The following PCDH1 variants were observed in gnomAD, a reference collection of about 807,000 sequenced individuals.
PCDH1 encodes the protein protocadherin 1, also known as protocadherin-1.
PCDH1 carries 23 observed loss-of-function variants against 74.6 expected under a neutral mutation model. That is an observed-to-expected ratio of 0.31 (90% confidence interval 0.22 to 0.44). The LOEUF (loss-of-function observed/expected upper bound fraction) is 0.44. Among genes scored for constraint, PCDH1 ranks in the 20% least tolerant of loss-of-function variants. The probability of loss-of-function intolerance (pLI) is 1.00; values close to 1 mark genes in which losing one functional copy is unlikely to be tolerated. For missense variants in PCDH1, 1,214 were observed against 1,641.4 expected, an observed-to-expected ratio of 0.74 and a Z score of 4.50; for synonymous variants, 647 against 686.1, an observed-to-expected ratio of 0.94 and a Z score of 0.89.
intron 1 of PCDH1, among the ~76,000 whole-genome samples, chr5:141,873,842 T>C (rs1241932456): frequency 6.6e-6 from 1 of 152,200 alleles, no homozygotes; most frequent in African/African-American, 2.4e-5. Context: ...TTATCAGTAC[T>C]AAGCATTTTA....
Position 141,853,228 on chromosome 5 carries a change from C to A in PCDH1, c.*814G>T, listed in dbSNP as rs1752193543. ...CTGCACCCCCATCCCACCATGGCCC[C>A]AGGGGTATTTACAACATGGAACAAT... On this transcript the variant is annotated 3_prime_UTR_variant, in exon 5 of 5. Coordinates refer to ENST00000287008, the MANE Select transcript of PCDH1 (RefSeq NM_032420.5). 1 of 150,298 alleles carries A rather than the reference C, an allele frequency of 6.7e-6. No individual in the cohort carries two copies. The highest frequency in any genetic ancestry group is 2.5e-5 in the African/African-American group (1 of 40,726). 9.3% of individuals were successfully genotyped at this position (150,298 alleles called of 1,614,324 possible).
rs761964730 is a variant in PCDH1, at chr5:141,863,634, G to A, written c.2697C>T (p.Pro899=). 4 of 1,614,066 alleles carry A rather than the reference G, an allele frequency of 2.5e-6. No homozygotes were observed. The Admixed American group carries it at 5.0e-5, about 20-fold the overall frequency. The stretch of plus-strand genomic sequence containing the variant: ...CCTTGGAGGCCTTGCCACTGGGCTT[G>A]GGGGCATACAGGTCCTTGGTCTCCT... ...GKKETKDLYA[P]KPSGKASKGN... is the part of the protein sequence containing the mutation. Residue 899 remains proline (P), a synonymous_variant, in exon 3 of 5, where the codon CCC becomes CCT. Transcript: ENST00000287008. This position sits in a 1 kb window ranked among gnomAD's most constrained non-coding sequence, Gnocchi z 7.5.
chr5:141,864,571 C>A lies in PCDH1; in HGVS notation c.1760G>T (p.Arg587Leu). Residue 587 changes from arginine to leucine, a missense_variant, in exon 3 of 5, where the codon CGG becomes CTG. This residue lies in a region of PCDH1 where 836 missense variants were observed against 1,182.2 expected (regional missense o/e 0.71). Coordinates refer to ENST00000287008, the MANE Select transcript of PCDH1 (RefSeq NM_032420.5). This position sits in a 1 kb window ranked among gnomAD's most constrained non-coding sequence, Gnocchi z 5.9. ...TGTGCCCTGGAGGCTAGGACTGCCC[C>A]GGTCAGCTGCCACCACCTTCAACTC... ...SYELKVVAAD[R>L]GSPSLQGTAT... 1 of 1,613,902 alleles carries A rather than the reference C, an allele frequency of 6.2e-7. No individual in the cohort carries two copies. Among genetic ancestry groups the A allele is most frequent in the Non-Finnish European group, 8.5e-7 (1 of 1,180,022 alleles).
At chr5:141,855,737 C>A (rs148996752) in intron 4 of PCDH1, among the ~76,000 whole-genome samples, 15 of 152,302 alleles carry the variant, frequency 9.8e-5, no homozygotes, top group Admixed American at 5.2e-4. Context: ...CAGCCCCTCC[C>A]CACCTCACTC....
At chr5:141,872,515 A>G (rs150163546) in intron 1 of PCDH1, among the ~76,000 whole-genome samples, 1 of 152,308 alleles carries the variant, frequency 6.6e-6, no homozygotes, top group African/African-American at 2.4e-5. Flanking sequence ...ACTGTTCACA[A>G]ATTTTAGCCG....
rs545164647 is a variant in PCDH1, at chr5:141,875,847, A to G, written c.40+2376T>C. The stretch of plus-strand genomic sequence containing the variant: ...TGTAATTACAGGTTCCAATTCCCCC[A>G]GACCTTAACGTCAATAAAGTAACAC... On this transcript the variant is annotated intron_variant, in intron 1 of 4. Coordinates refer to ENST00000287008, the MANE Select transcript of PCDH1 (RefSeq NM_032420.5). Among the ~76,000 whole-genome samples the G allele has an allele frequency of 6.3e-4, 96 of 151,946 alleles. 2 individuals are homozygous for G. Among genetic ancestry groups the G allele is most frequent in the Admixed American group, 6.2e-3 (94 of 15,254 alleles).
In PCDH1 at chr5:141,878,174, C is replaced by A; in HGVS notation, c.40+49G>T. 7.0e-7 allele frequency: 1 copy of A among 1,424,630 alleles called. No homozygotes were observed. The highest frequency in any genetic ancestry group is 9.2e-7 in the Non-Finnish European group (1 of 1,089,242). The allele number at this position is 1,424,630 out of a possible 1,614,324, so 88.2% of individuals were successfully genotyped here. On this transcript the variant is annotated intron_variant, in intron 1 of 4. Transcript: ENST00000287008. The surrounding 1 kb of genome is among the most constrained non-coding windows in gnomAD (Gnocchi z 5.5). Reference sequence around the variant, plus strand: ...TCCCTCAGCTCCCGCCGGCCATGACCGCTTCGGGCCCCAAGCCGCTGCTGC... The same window carrying A: ...TCCCTCAGCTCCCGCCGGCCATGACAGCTTCGGGCCCCAAGCCGCTGCTGC...
chr5:141,861,317 T>C (rs956801833), intron 3 of PCDH1, among the ~76,000 whole-genome samples: 1 of 152,066 alleles, frequency 6.6e-6, no homozygotes, highest in Admixed American at 6.5e-5. Flanking sequence ...CAGTGGAAAC[T>C]TGGCCTGTGT....
rs1441383396 is a variant in PCDH1 at position 141,865,004 on chromosome 5, G to A, written c.1327C>T (p.Arg443Cys). Residue 443 changes from arginine (R) to cysteine (C), a missense_variant, in exon 3 of 5, where the codon CGC becomes TGC. Around this residue, in one of 4 missense-constraint regions of PCDH1, gnomAD observed 836 missense variants for 1,182.2 expected, o/e 0.71. Transcript: ENST00000287008. This position sits in a 1 kb window ranked among gnomAD's most constrained non-coding sequence, Gnocchi z 4.4. Reference protein sequence around the residue: ...VVAGDVPFQLRQASETGSDSK... With the variant: ...VVAGDVPFQLCQASETGSDSK... ...TCACTGCCTGTCTCACTGGCCTGGC[G>A]CAGCTGGAAGGGCACATCACCTGCC... 1 of 1,614,084 alleles carries A rather than the reference G, an allele frequency of 6.2e-7. No homozygotes were observed. Among genetic ancestry groups the A allele is most frequent in the Non-Finnish European group, 8.5e-7 (1 of 1,180,006 alleles).
chr5:141,863,299 G>A lies in PCDH1; in HGVS notation c.3032C>T (p.Ser1011Phe). ...NTFVGTGDTTSTGSEQYSDYS... is the reference protein window; with the variant it reads ...NTFVGTGDTTFTGSEQYSDYS... The stretch of plus-strand genomic sequence containing the variant: ...GTCGGAGTACTGCTCAGAGCCCGTG[G>A]ACGTGGTGTCCCCGGTGCCCACGAA... The change falls in exon 3 of 5, where the codon TCC (serine) becomes TTC (phenylalanine). Residue 1011 changes from serine to phenylalanine, a missense_variant. Ser to Phe is a radical substitution (Grantham distance 155). Coordinates refer to ENST00000287008, the MANE Select transcript of PCDH1 (RefSeq NM_032420.5). The surrounding 1 kb of genome is among the most constrained non-coding windows in gnomAD (Gnocchi z 7.5). 6.4e-7 allele frequency: 1 copy of A among 1,573,112 alleles called. No homozygotes were observed. Among genetic ancestry groups the A allele is most frequent in the Non-Finnish European group, 8.6e-7 (1 of 1,158,920 alleles).
Position 141,866,207 on chromosome 5 carries a change from TCTC to T in PCDH1, c.904-783_904-781del, listed in dbSNP as rs1265385547. The stretch of plus-strand genomic sequence containing the variant: ...GGGGAAACCTGTTTCAGCAGCAACT[TCTC>T]CTCCCGACTGGCACCGGCTGGCGAG... On this transcript the variant is annotated intron_variant, in intron 2 of 4. Coordinates refer to ENST00000287008, the MANE Select transcript of PCDH1 (RefSeq NM_032420.5). 7 of 985,420 alleles carry T rather than the reference TCTC, an allele frequency of 7.1e-6. No individual in the cohort carries two copies. In the East Asian group the frequency reaches 4.5e-4, roughly 64 times the overall value. The allele number at this position is 985,420 out of a possible 1,614,324, so 61.0% of individuals were successfully genotyped here. A position where few individuals can be genotyped will look rare whatever the true frequency, so the allele number is the denominator to read the frequency against.
chr5:141,869,254 A>G lies in PCDH1; in HGVS notation c.218T>C (p.Leu73Pro). The change falls in exon 2 of 5, where the codon CTC becomes CCC. Residue 73 changes from leucine to proline, a missense_variant. By Grantham distance (98) the Leu-to-Pro change is moderately conservative. Around this residue, in one of 4 missense-constraint regions of PCDH1, gnomAD observed 97 missense variants for 173.2 expected, o/e 0.56. Coordinates refer to ENST00000287008, the MANE Select transcript of PCDH1 (RefSeq NM_032420.5). This position sits in a 1 kb window ranked among gnomAD's most constrained non-coding sequence, Gnocchi z 4.9. ...KVPEEQPPNT[L>P]IGSLAADYGF... Reference sequence around the variant, plus strand: ...ATAGTCGGCTGCGAGGCTCCCAATGAGGGTGTTGGGTGGCTGTTCCTCCGG... The same window carrying G: ...ATAGTCGGCTGCGAGGCTCCCAATGGGGGTGTTGGGTGGCTGTTCCTCCGG... 6.2e-7 allele frequency: 1 copy of G among 1,612,606 alleles called. No individual in the cohort carries two copies. Among genetic ancestry groups the G allele is most frequent in the Non-Finnish European group, 8.5e-7 (1 of 1,179,454 alleles).
intron 1 of PCDH1, among the ~76,000 whole-genome samples, chr5:141,872,327 C>T (rs1305078104): frequency 6.6e-6 from 1 of 152,214 alleles, no homozygotes; most frequent in East Asian, 1.9e-4. Context: ...GCAGGTGAGG[C>T]GTTATGTGGG....
At chr5:141,861,237 ATCGTTCACTTGTCTG>A (rs1193058247) in intron 3 of PCDH1, among the ~76,000 whole-genome samples, 1 of 151,870 alleles carries the variant, frequency 6.6e-6, no homozygotes, top group African/African-American at 2.4e-5. Context: ...CAATTGCCTC[ATCGTTCACTTGTCTG>A]TCTTGTACAA....
chr5:141,866,038 A>G (rs1441797706), intron 2 of PCDH1: 1 of 987,600 alleles, frequency 1.0e-6, no homozygotes, highest in African/African-American at 1.7e-5. Flanking sequence ...GTGTTTGTGC[A>G]TATGTGTGTT....
At chr5:141,861,190 G>C (rs1220145003) in intron 3 of PCDH1, among the ~76,000 whole-genome samples, 1 of 149,970 alleles carries the variant, frequency 6.7e-6, no homozygotes, top group African/African-American at 2.5e-5. Flanking sequence ...GTTGGGAAAA[G>C]CTTTAGTAGG....
At position 141,863,182 on chromosome 5, in the gene PCDH1, T is replaced by G; in HGVS notation, c.3099+50A>C. 1.3e-6 allele frequency: 2 copies of G among 1,509,822 alleles called. No homozygotes were observed. The highest frequency in any genetic ancestry group is 1.8e-6 in the Non-Finnish European group (2 of 1,127,156). The allele number at this position is 1,509,822 out of a possible 1,614,324, so 93.5% of individuals were successfully genotyped here. On this transcript the variant is annotated intron_variant, in intron 3 of 4. Coordinates refer to ENST00000287008, the MANE Select transcript of PCDH1 (RefSeq NM_032420.5). This position sits in a 1 kb window ranked among gnomAD's most constrained non-coding sequence, Gnocchi z 7.5. ...CACCTCGGTCCAGATGGCTCCGTGG[T>G]AGGGGTGGGGTAGGGGCTGGGGTGT...
In PCDH1 at chr5:141,864,978, G is replaced by T; in HGVS notation, c.1353C>A (p.Asp451Glu). The T allele has an allele frequency of 6.2e-7, 1 of 1,614,104 alleles. No homozygotes were observed. The highest frequency in any genetic ancestry group is 8.5e-7 in the Non-Finnish European group (1 of 1,180,028). The change falls in exon 3 of 5, where the codon GAC becomes GAA. Residue 451 changes from aspartate to glutamate, a missense_variant. Around this residue, in one of 4 missense-constraint regions of PCDH1, gnomAD observed 836 missense variants for 1,182.2 expected, o/e 0.71. Transcript: ENST00000287008. This position sits in a 1 kb window ranked among gnomAD's most constrained non-coding sequence, Gnocchi z 5.9. ...QLRQASETGS[D>E]SKKKYFLQTT... Reference sequence around the variant, plus strand: ...TCTGCAGGAAATACTTCTTCTTGCTGTCACTGCCTGTCTCACTGGCCTGGC... The same window carrying T: ...TCTGCAGGAAATACTTCTTCTTGCTTTCACTGCCTGTCTCACTGGCCTGGC...
intron 2 of PCDH1, chr5:141,866,261 A>G (rs1299429144): frequency 2.0e-6 from 2 of 984,696 alleles, no homozygotes; most frequent in Admixed American, 6.1e-5. Context: ...ATCCGGCCTG[A>G]GCCTGCAGCC....
Sources: allele counts gnomAD v4.1 joint callset (sites outside exome capture counted in the v4.1 genomes callset), GRCh38; gene constraint gnomAD v4.1.1; regional missense constraint gnomAD v4.1.1; non-coding constraint Gnocchi (gnomAD v3.1); transcripts MANE v1.5; gene names NCBI Gene and HGNC (gene_info 2026-07-23, HGNC 2026-07-21).